The following MIER2 variants were observed in gnomAD, a reference collection of about 807,000 sequenced individuals.
The protein encoded by MIER2 is MIER family member 2.
MIER2 carries 30 observed loss-of-function variants against 67.6 expected under a neutral mutation model. The ratio of observed to expected loss-of-function variants is 0.44; its 90% CI spans 0.33 to 0.60. MIER2 has a LOEUF of 0.60. Among genes scored for constraint, MIER2 ranks in the 20% least tolerant of loss-of-function variants. The pLI, the probability that MIER2 is intolerant of heterozygous loss-of-function variation, is 0.02. For missense variants in MIER2, 702 were observed against 745.1 expected, an observed-to-expected ratio of 0.94 and a Z score of 0.67; for synonymous variants, 372 against 312.6, an observed-to-expected ratio of 1.19 and a Z score of -2.00.
intron 1 of MIER2, 138 bp downstream of exon 1, chr19:344,636 G>A (rs1972663995): frequency 2.1e-6 from 1 of 481,194 alleles, no homozygotes. Flanking sequence ...GCCCCGGACG[G>A]GCCAGGCGCC....
chr19:322,165 A>G (rs2045669511), intron 7 of MIER2, among the ~76,000 whole-genome samples: 1 of 152,164 alleles, frequency 6.6e-6, no homozygotes, highest in South Asian at 2.1e-4. Context: ...TCGGCCTCCC[A>G]AAGTGCTGGG....
chr19:326,644 A>G (rs763643569), intron 5 of MIER2, 46 bp from the exon 6 acceptor site: 1 of 1,448,000 alleles, frequency 6.9e-7, no homozygotes, highest in East Asian at 2.3e-5. Flanking sequence ...CACTGCCTGC[A>G]GCCTATACAA....
intron 1 of MIER2, among the ~76,000 whole-genome samples, chr19:339,675 C>G (rs878685): frequency 6.6e-6 from 1 of 152,026 alleles, no homozygotes; most frequent in Non-Finnish European, 1.5e-5. Flanking sequence ...ACCACATGGA[C>G]GCACCTCGAA....
chr19:334,613 ACGCCTGGTGAAG>A, intron 2 of MIER2, 71 bp from the exon 3 acceptor site: 1 of 1,562,814 alleles, frequency 6.4e-7, no homozygotes, highest in East Asian at 2.2e-5. Context: ...GAGACTACTG[ACGCCTGGTGAAG>A]CCCTAAGGAT....
intron 7 of MIER2, 143 bp from the exon 8 acceptor site, chr19:313,786 C>T (rs1385009563): frequency 1.7e-6 from 2 of 1,187,604 alleles, no homozygotes; most frequent in African/African-American, 1.5e-5. Flanking sequence ...GGCCGCCATC[C>T]CTGTGCTCCT....
chr19:319,616 G>A (rs28718587), intron 7 of MIER2, among the ~76,000 whole-genome samples: 90 of 152,096 alleles, frequency 5.9e-4, no homozygotes, highest in African/African-American at 2.1e-3. Flanking sequence ...GTGCCACCAC[G>A]CTCAGCTAAT....
intron 2 of MIER2, among the ~76,000 whole-genome samples, chr19:335,534 G>A (rs1972204535): frequency 6.6e-6 from 1 of 152,180 alleles, no homozygotes; most frequent in Non-Finnish European, 1.5e-5. Flanking sequence ...TACGGAAAGA[G>A]ACGCAGCCCT....
rs537660564 is a variant in MIER2, at chr19:343,093, G to A, written c.9+1681C>T. On this transcript the variant is annotated intron_variant, in intron 1 of 13. Transcript: ENST00000264819. ...CCGAGGACAGAGCGGGACCTCCTTA[G>A]AAAATCAAATCAAATTCACTCAACA... 1.5e-4 allele frequency among the ~76,000 whole-genome samples: 23 copies of A among 152,268 alleles called. No homozygotes were observed. The East Asian group carries it at 4.4e-3, about 29-fold the overall frequency.
At chr19:334,786 G>T (rs557823497) in intron 2 of MIER2, among the ~76,000 whole-genome samples, 6 of 152,290 alleles carry the variant, frequency 3.9e-5, no homozygotes, top group African/African-American at 1.2e-4. Context: ...CTGAGAGACT[G>T]CTTGTCTTCC....
chr19:344,721 G>A (rs1972668438), intron 1 of MIER2, 53 bp downstream of exon 1: 4 of 1,103,570 alleles, frequency 3.6e-6, no homozygotes, highest in Admixed American at 9.7e-5. Flanking sequence ...ACGGCGGCGG[G>A]GGGCGCGGAC....
At chr19:317,377 A>C (rs1008176565) in intron 7 of MIER2, among the ~76,000 whole-genome samples, 1 of 151,826 alleles carries the variant, frequency 6.6e-6, no homozygotes. Flanking sequence ...AATACAAAAC[A>C]TTAGCCGGGA....
chr19:339,698 C>T (rs1972419122), intron 1 of MIER2, among the ~76,000 whole-genome samples: 1 of 152,176 alleles, frequency 6.6e-6, no homozygotes, highest in East Asian at 1.9e-4. Context: ...ACTCATGCTC[C>T]TGAAACAGCC....
intron 5 of MIER2, chr19:326,884 C>T: frequency 1.7e-6 from 1 of 589,960 alleles, no homozygotes; most frequent in Non-Finnish European, 2.9e-6. Context: ...GGAATGCTGT[C>T]CCTGGATCTG....
At chr19:339,571 C>T (rs1972412443) in intron 1 of MIER2, among the ~76,000 whole-genome samples, 1 of 152,180 alleles carries the variant, frequency 6.6e-6, no homozygotes, top group African/African-American at 2.4e-5. Flanking sequence ...TAGTATTTAA[C>T]CATGTGACCC....
chr19:328,858 G>A (rs767103468), intron 3 of MIER2, among the ~76,000 whole-genome samples: 3 of 152,206 alleles, frequency 2.0e-5, no homozygotes, highest in Non-Finnish European at 4.4e-5. Flanking sequence ...CCCCCATCAC[G>A]ATCTGGAACA....
At chr19:328,425 GAA>G (rs987374666) in intron 3 of MIER2, among the ~76,000 whole-genome samples, 9 of 132,896 alleles carry the variant, frequency 6.8e-5, no homozygotes, top group East Asian at 2.2e-4. Context: ...TTCCTGATTT[GAA>G]AAAAAAAAAA....
intron 7 of MIER2, among the ~76,000 whole-genome samples, chr19:321,277 T>A (rs1056093118): frequency 6.6e-6 from 1 of 152,208 alleles, no homozygotes; most frequent in African/African-American, 2.4e-5. Flanking sequence ...ATGAGATACA[T>A]ACACACAAGA....
intron 3 of MIER2, among the ~76,000 whole-genome samples, chr19:329,039 C>A (rs1465519566): frequency 6.6e-6 from 1 of 152,184 alleles, no homozygotes; most frequent in Non-Finnish European, 1.5e-5. Context: ...AGCCTCTATT[C>A]CACAGAGGCT....
In MIER2 at chr19:343,722, C is replaced by G. The variant is rs1972607665; in HGVS notation, c.9+1052G>C. ...CCAGAGATAGGATCAGCTCTTGAGT[C>G]TGCCCGCCTGTCGTAACTTCTGCGC... is the stretch of plus-strand genomic sequence containing the variant. On this transcript the variant is annotated intron_variant, in intron 1 of 13. Transcript: ENST00000264819. 7.2e-6 allele frequency: 4 copies of G among 555,148 alleles called. No homozygotes were observed. The African/African-American group carries it at 8.2e-5, about 11-fold the overall frequency. 34.4% of individuals were successfully genotyped at this position (555,148 alleles called of 1,614,324 possible). A position where few individuals can be genotyped will look rare whatever the true frequency, so the allele number is the denominator to read the frequency against.
Sources: gnomAD v4.1 joint callset for allele counts (sites outside exome capture counted in the v4.1 genomes callset) on GRCh38, gnomAD v4.1.1 for gene constraint, MANE v1.5 for transcripts, NCBI Gene and HGNC (gene_info 2026-07-23, HGNC 2026-07-21) for gene names.